CEP83: variants seen among roughly 807,000 people sequenced by gnomAD.
The protein encoded by CEP83 is centrosomal protein 83.
Under a neutral mutation model 101.9 loss-of-function variants are expected in CEP83, and 70 were observed. The ratio of observed to expected loss-of-function variants is 0.69; its 90% confidence interval spans 0.57 to 0.84. The LOEUF is 0.84. Ranked by LOEUF, CEP83 falls within the 40% of genes least tolerant of loss-of-function variation. The pLI is 0.00. For missense variants in CEP83, 715 were observed against 787.2 expected, an observed-to-expected ratio of 0.91 and a Z score of 1.10; for synonymous variants, 264 against 267.9, an observed-to-expected ratio of 0.99 and a Z score of 0.14.
In CEP83 at chr12:94,355,906, T is replaced by C. The variant is rs564526616; in HGVS notation, c.1343+11888A>G. On this transcript the variant is annotated intron_variant, in intron 11 of 16. Transcript: ENST00000397809. Reference sequence around the variant, plus strand: ...TATCTATAGAAACAATGCTAATGACTGGTTTGCTGTTAATAAATATGTGGG... The same window carrying C: ...TATCTATAGAAACAATGCTAATGACCGGTTTGCTGTTAATAAATATGTGGG... Among the ~76,000 whole-genome samples the C allele has an allele frequency of 1.8e-4, 27 of 152,388 alleles. No individual in the cohort carries two copies. In the East Asian group the frequency reaches 5.2e-3, roughly 29 times the overall value.
chr12:94,401,072 TATAA>T, intron 5 of CEP83, 91 bp from the exon 6 acceptor site: 2 of 642,524 alleles, frequency 3.1e-6, no homozygotes, highest in Non-Finnish European at 4.6e-6. Context: ...TAAATTACAT[TATAA>T]TGATAGCCAC....
chr12:94,354,102 A>AT (rs2060329907), intron 11 of CEP83, among the ~76,000 whole-genome samples: 1 of 152,194 alleles, frequency 6.6e-6, no homozygotes, highest in African/African-American at 2.4e-5. Context: ...AGAAACATAG[A>AT]TTTAAACTAC....
At chr12:94,296,406 C>A in the CEP83 span, among the ~76,000 whole-genome samples, 16 of 152,218 alleles carry the variant, frequency 1.1e-4, no homozygotes, top group Admixed American at 1.0e-3. Context: ...GGCAGTCCTC[C>A]TGCCTTGGCT....
the CEP83 span, chr12:94,298,875 A>G: frequency 7.5e-7 from 1 of 1,337,412 alleles, no homozygotes; most frequent in South Asian, 1.3e-5. Context: ...AGATAGTTAT[A>G]GAAGGATTCA....
chr12:94,379,124 T>TA, intron 6 of CEP83, 82 bp from the exon 7 acceptor site: 1 of 1,189,570 alleles, frequency 8.4e-7, no homozygotes, highest in Non-Finnish European at 1.2e-6. Context: ...TCAGTAAAAT[T>TA]AAAAAATGCA....
downstream of CEP83, chr12:94,303,839 G>A: frequency 1.9e-6 from 3 of 1,611,144 alleles, no homozygotes; most frequent in Non-Finnish European, 2.5e-6. Flanking sequence ...AAGCAATCAG[G>A]GATTTGCCTC....
At chr12:94,441,914 CAAA>C in intron 1 of CEP83, among the ~76,000 whole-genome samples, 1 of 61,818 alleles carries the variant, frequency 1.6e-5, no homozygotes, top group South Asian at 6.8e-4. Context: ...GACTCCGTCT[CAAA>C]AAAAAAAAAA....
intron 14 of CEP83, chr12:94,328,240 TG>T (rs1217250502): frequency 2.8e-5 from 9 of 319,472 alleles, no homozygotes; most frequent in East Asian, 2.5e-4. Flanking sequence ...TCAATGGGGG[TG>T]GGGGGAATAC....
chr12:94,400,789 T>A (rs973626214), intron 6 of CEP83, 61 bp downstream of exon 6: 1 of 1,038,422 alleles, frequency 9.6e-7, no homozygotes, highest in Admixed American at 3.4e-5. Context: ...TAAAAATATA[T>A]AATTATAAAA....
chr12:94,354,600 T>A (rs1427676856), intron 11 of CEP83, among the ~76,000 whole-genome samples: 1 of 152,188 alleles, frequency 6.6e-6, no homozygotes, highest in Non-Finnish European at 1.5e-5. Context: ...GTATATTTTC[T>A]GACAACAGCA....
chr12:94,323,837 C>A (rs747229168), intron 14 of CEP83, among the ~76,000 whole-genome samples: 8 of 152,122 alleles, frequency 5.3e-5, no homozygotes, highest in Non-Finnish European at 1.0e-4. Context: ...TTTATAGATA[C>A]CATTTATAAG....
chr12:94,405,093 T>C (rs1191585219), intron 4 of CEP83, among the ~76,000 whole-genome samples: 2 of 152,188 alleles, frequency 1.3e-5, no homozygotes, highest in Admixed American at 6.5e-5. Flanking sequence ...TGGTTTACGG[T>C]ATCAAGTATC....
chr12:94,411,226 C>G (rs1158111075), intron 4 of CEP83, among the ~76,000 whole-genome samples: 2 of 152,100 alleles, frequency 1.3e-5, no homozygotes, highest in Non-Finnish European at 2.9e-5. Context: ...TTGGAGACAA[C>G]TATCTTTTGC....
the CEP83 span, among the ~76,000 whole-genome samples, chr12:94,274,520 G>C: frequency 6.6e-6 from 1 of 152,176 alleles, no homozygotes; most frequent in South Asian, 2.1e-4. Context: ...CGACAAACCA[G>C]ATCTGCCACC....
chr12:94,437,123 C>G (rs1330899532), intron 1 of CEP83, among the ~76,000 whole-genome samples: 3 of 151,726 alleles, frequency 2.0e-5, no homozygotes, highest in Non-Finnish European at 4.4e-5. Context: ...GCAGGAGGAT[C>G]ACTCAAGGTC....
intron 11 of CEP83, among the ~76,000 whole-genome samples, chr12:94,345,852 A>G (rs1031372256): frequency 1.3e-5 from 2 of 152,150 alleles, no homozygotes; most frequent in Non-Finnish European, 2.9e-5. Flanking sequence ...TCCATTCTTC[A>G]ATCATGTTTA....
chr12:94,379,719 C>T (rs1249059344), intron 6 of CEP83, among the ~76,000 whole-genome samples: 2 of 152,028 alleles, frequency 1.3e-5, no homozygotes, highest in African/African-American at 4.8e-5. Flanking sequence ...CTTCGTGGGC[C>T]TCCAAATCAG....
intron 2 of CEP83, among the ~76,000 whole-genome samples, chr12:94,433,233 T>C (rs2065771976): frequency 6.6e-6 from 1 of 152,068 alleles, no homozygotes; most frequent in South Asian, 2.1e-4. Flanking sequence ...AGACTCACAT[T>C]TACATTTCAG....
rs1566095049 is a variant in CEP83, at chr12:94,400,880, T to G, written c.519A>C (p.Leu173Phe). 6.7e-7 allele frequency: 1 copy of G among 1,483,344 alleles called. No homozygotes were observed. Among genetic ancestry groups the G allele is most frequent in the East Asian group, 2.5e-5 (1 of 39,680 alleles). The allele number at this position is 1,483,344 out of a possible 1,614,324, so 91.9% of individuals were successfully genotyped here. ...ATTCATATTTTATTTTTCCTTCATC[T>G]AAAATACGTGCATACTCTTCCTTCT... is the stretch of plus-strand genomic sequence containing the variant. ...EHQKEEYARI[L>F]DEGKIKYESE... The change falls in exon 6 of 17, where the codon TTA becomes TTC. Residue 173 changes from leucine to phenylalanine, a missense_variant. By Grantham distance (22) the Leu-to-Phe change is conservative. Transcript: ENST00000397809.
Sources: allele counts gnomAD v4.1 joint callset (sites outside exome capture counted in the v4.1 genomes callset), GRCh38; gene constraint gnomAD v4.1.1; transcripts MANE v1.5; gene names NCBI Gene and HGNC (gene_info 2026-07-23, HGNC 2026-07-21).